The following NFAT5 variants were observed in gnomAD, a reference collection of about 807,000 sequenced individuals.
NFAT5 encodes the protein nuclear factor of activated T-cells 5.
A neutral mutation model predicts 166.5 loss-of-function variants in NFAT5; 31 were observed. The observed-to-expected ratio is 0.19, with a 90% CI of 0.14 to 0.25. The LOEUF is 0.25. Among genes scored for constraint, NFAT5 ranks in the 10% least tolerant of loss-of-function variants. The pLI is 1.00. For synonymous variants in NFAT5, 612 were observed against 639.7 expected (o/e 0.96, Z 0.65); for missense variants, 1,449 against 1,821.8 (o/e 0.80, Z 3.72).
intron 3 of NFAT5, 128 bp from the exon 4 acceptor site, chr16:69,646,900 A>T: frequency 1.2e-6 from 1 of 820,160 alleles, no homozygotes; most frequent in Non-Finnish European, 1.8e-6. Context: ...ATTCTAAAAC[A>T]TAACCAAATT....
At chr16:69,569,908 A>G (rs2016334268) in intron 2 of NFAT5, among the ~76,000 whole-genome samples, 1 of 152,198 alleles carries the variant, frequency 6.6e-6, no homozygotes. Flanking sequence ...TTCTTAGTGA[A>G]GCAGATTTCT....
chr16:69,640,576 A>G (rs1249693651), intron 3 of NFAT5, among the ~76,000 whole-genome samples: 1 of 152,192 alleles, frequency 6.6e-6, no homozygotes, highest in Non-Finnish European at 1.5e-5. Context: ...ATGTCCTTGT[A>G]TCTGGTGACT....
chr16:69,588,994 T>TC, intron 2 of NFAT5, among the ~76,000 whole-genome samples: 1 of 139,672 alleles, frequency 7.2e-6, no homozygotes, highest in Non-Finnish European at 1.6e-5. Context: ...TTTTTTTTTT[T>TC]TTTTTTTTTT....
intron 2 of NFAT5, among the ~76,000 whole-genome samples, chr16:69,620,342 G>A (rs6499237): frequency 2.6e-5 from 4 of 151,992 alleles, no homozygotes; most frequent in South Asian, 2.1e-4. Flanking sequence ...TGCACTTACC[G>A]TGGCATTTTG....
chr16:69,608,405 G>A (rs2033528221), intron 2 of NFAT5, among the ~76,000 whole-genome samples: 1 of 151,770 alleles, frequency 6.6e-6, no homozygotes, highest in East Asian at 2.0e-4. Flanking sequence ...TGAGAACCCC[G>A]GCCATCTGGG....
chr16:69,617,638 G>T (rs1175427145), intron 2 of NFAT5, among the ~76,000 whole-genome samples: 3 of 151,660 alleles, frequency 2.0e-5, no homozygotes, highest in Non-Finnish European at 4.4e-5. Context: ...CTACAGGCTT[G>T]CACCACCTCA....
intron 11 of NFAT5, among the ~76,000 whole-genome samples, chr16:69,689,342 T>C (rs1438366357): frequency 6.6e-6 from 1 of 152,148 alleles, no homozygotes; most frequent in Admixed American, 6.6e-5. Flanking sequence ...TAGGTGAAAA[T>C]AGGTCCAAAG....
Position 69,692,593 on chromosome 16 carries a change from G to C in NFAT5, c.2768G>C (p.Cys923Ser), listed in dbSNP as rs1171420735. Residue 923 changes from cysteine to serine, a missense_variant, in exon 13 of 15, where the codon TGC becomes TCC. Transcript: ENST00000349945. ...AMVMEMQQSICQAAAQIQSEL... is the reference protein window; with the variant it reads ...AMVMEMQQSISQAAAQIQSEL... ...GTGATGGAGATGCAACAGAGTATCT[G>C]CCAGGCAGCTGCCCAGATTCAGTCA... 1.2e-6 allele frequency: 2 copies of C among 1,614,070 alleles called. No homozygotes were observed. Among genetic ancestry groups the C allele is most frequent in the African/African-American group, 2.7e-5 (2 of 74,926 alleles).
chr16:69,624,026 C>T (rs978040513), intron 2 of NFAT5, among the ~76,000 whole-genome samples: 5 of 151,926 alleles, frequency 3.3e-5, no homozygotes, highest in Non-Finnish European at 5.9e-5. Context: ...GCTGGGATTA[C>T]AGGCATGAAC....
chr16:69,636,960 G>A (rs1043557830), intron 3 of NFAT5, among the ~76,000 whole-genome samples: 11 of 152,148 alleles, frequency 7.2e-5, no homozygotes, highest in Admixed American at 2.0e-4. Flanking sequence ...CGCATAGTCA[G>A]GCTGCACATT....
At chr16:69,644,178 G>A (rs372414407) in intron 3 of NFAT5, among the ~76,000 whole-genome samples, 11 of 152,092 alleles carry the variant, frequency 7.2e-5, no homozygotes, top group African/African-American at 2.2e-4. Context: ...TCAGTTACTC[G>A]GGAAGCTGAG....
chr16:69,679,177 C>T (rs1191232003), intron 10 of NFAT5, among the ~76,000 whole-genome samples: 3 of 151,786 alleles, frequency 2.0e-5, no homozygotes, highest in African/African-American at 7.3e-5. Context: ...GTGATCTGCC[C>T]GCCTCGGCCT....
rs2037585389 is a variant in NFAT5 at position 69,692,452 on chromosome 16, A to G, written c.2627A>G (p.Asp876Gly). ...GAGCCAACAGTCCATACCAGACCAG[A>G]TAATTTATTACCTGGAAGAGCTGAA... The part of the protein sequence containing the change: ...STEPTVHTRP[D>G]NLLPGRAESV... The change falls in exon 13 of 15, where the codon GAT (aspartate) becomes GGT (glycine). Residue 876 changes from aspartate to glycine, a missense_variant. Transcript: ENST00000349945. The G allele has an allele frequency of 6.2e-7, 1 of 1,614,168 alleles. No individual in the cohort carries two copies. The highest frequency in any genetic ancestry group is 8.5e-7 in the Non-Finnish European group (1 of 1,180,016).
intron 6 of NFAT5, among the ~76,000 whole-genome samples, chr16:69,656,500 G>A (rs977311084): frequency 2.7e-5 from 4 of 149,532 alleles, no homozygotes; most frequent in African/African-American, 9.9e-5. Flanking sequence ...CGCCCAGGCT[G>A]GAGTGCAGTG....
intron 2 of NFAT5, among the ~76,000 whole-genome samples, chr16:69,605,330 CT>C (rs1489524050): frequency 6.6e-6 from 1 of 152,114 alleles, no homozygotes; most frequent in Non-Finnish European, 1.5e-5. Context: ...ATTCTAGCTA[CT>C]TGGGAGGCTG....
At chr16:69,659,315 A>G (rs549101953) in intron 6 of NFAT5, among the ~76,000 whole-genome samples, 16 of 151,536 alleles carry the variant, frequency 1.1e-4, no homozygotes, top group Non-Finnish European at 2.1e-4. Context: ...GGTGGCGGCC[A>G]CCTGTAATCC....
At chr16:69,573,514 G>C (rs1039765767) in intron 2 of NFAT5, among the ~76,000 whole-genome samples, 1 of 152,046 alleles carries the variant, frequency 6.6e-6, no homozygotes, top group African/African-American at 2.4e-5. Flanking sequence ...AATAATCTCT[G>C]TGGATCCATG....
At chr16:69,575,109 G>A (rs1226831653) in intron 2 of NFAT5, among the ~76,000 whole-genome samples, 4 of 152,122 alleles carry the variant, frequency 2.6e-5, no homozygotes, top group Admixed American at 1.3e-4. Context: ...ATTTAGTTTT[G>A]AAGATGAGAG....
intron 2 of NFAT5, among the ~76,000 whole-genome samples, chr16:69,622,853 A>T (rs1022533334): frequency 6.6e-6 from 1 of 151,662 alleles, no homozygotes; most frequent in Non-Finnish European, 1.5e-5. Context: ...AAAAGAAAAA[A>T]ATAGACTCGA....
Sources: allele counts gnomAD v4.1 joint callset (sites outside exome capture counted in the v4.1 genomes callset), GRCh38; gene constraint gnomAD v4.1.1; transcripts MANE v1.5; gene names NCBI Gene and HGNC (gene_info 2026-07-23, HGNC 2026-07-21).